Variants in NRG1 observed in about 807,000 individuals in gnomAD.
NRG1 encodes the protein neuregulin 1.
Under a neutral mutation model 63.8 loss-of-function variants are expected in NRG1, and 18 were observed. That is an observed-to-expected ratio of 0.28 (90% CI 0.19 to 0.42). The LOEUF is 0.42. NRG1 is among the 10% of genes least tolerant of loss of function. The pLI, the probability that NRG1 is intolerant of heterozygous loss-of-function variation, is 1.00. For missense variants in NRG1, 762 were observed against 814.7 expected (o/e 0.94, Z 0.79); for synonymous variants, 302 against 301.3 (o/e 1.00, Z -0.02).
In NRG1 at chr8:31,814,939, T is replaced by C. The variant is rs1039781404; in HGVS notation, c.37+175508T>C. Among the ~76,000 whole-genome samples, 15 of 152,212 alleles carry C rather than the reference T, an allele frequency of 9.9e-5. 1 individual carries two copies. Among genetic ancestry groups the C allele is most frequent in the Admixed American group, 7.9e-4 (12 of 15,284 alleles). On this transcript the variant is annotated intron_variant, in intron 1 of 10. Transcript: ENST00000519301. The stretch of plus-strand genomic sequence containing the variant: ...ACCCAAATAAAAATGGTAATTTTTC[T>C]TTCCTTTTCTCCTGGATTCTTATTC...
intron 1 of NRG1, among the ~76,000 whole-genome samples, chr8:32,538,032 A>G (rs920520395): frequency 2.6e-5 from 4 of 152,044 alleles, no homozygotes; most frequent in Non-Finnish European, 5.9e-5. Context: ...TTGTATTTTT[A>G]GTAGAGACAG....
intron 1 of NRG1, among the ~76,000 whole-genome samples, chr8:32,332,745 G>A (rs527497207): frequency 1.1e-4 from 17 of 152,220 alleles, no homozygotes; most frequent in Middle Eastern, 3.4e-3. Flanking sequence ...AGGGAGTCTG[G>A]CTCCACAACA....
intron 8 of NRG1, 28 bp downstream of exon 8, chr8:32,754,502 C>G (rs1191894042): frequency 6.2e-7 from 1 of 1,603,142 alleles, no homozygotes; most frequent in Admixed American, 1.7e-5. Flanking sequence ...ATGCCTTTCT[C>G]TCTCCTTCAT....
At chr8:32,497,642 A>C (rs1452002554) in intron 1 of NRG1, among the ~76,000 whole-genome samples, 1 of 152,138 alleles carries the variant, frequency 6.6e-6, no homozygotes, top group Non-Finnish European at 1.5e-5. Flanking sequence ...GGTCCACATC[A>C]AAGCTGCCAC....
At chr8:32,298,203 C>T (rs1855118853) in intron 1 of NRG1, among the ~76,000 whole-genome samples, 1 of 152,208 alleles carries the variant, frequency 6.6e-6, no homozygotes, top group African/African-American at 2.4e-5. Context: ...GAGCTATTCT[C>T]TAAAATTACT....
intron 1 of NRG1, among the ~76,000 whole-genome samples, chr8:32,167,221 A>T (rs980317681): frequency 3.9e-5 from 6 of 152,220 alleles, no homozygotes; most frequent in African/African-American, 1.4e-4. Context: ...GCATATTAAA[A>T]TGGCAGCCCC....
intron 1 of NRG1, among the ~76,000 whole-genome samples, chr8:32,377,512 G>A (rs1370899526): frequency 1.3e-5 from 2 of 152,038 alleles, no homozygotes; most frequent in Non-Finnish European, 2.9e-5. Context: ...AATAAACCTT[G>A]GATTTTCAAC....
At chr8:32,159,733 G>A (rs974175661) in intron 1 of NRG1, among the ~76,000 whole-genome samples, 1 of 151,992 alleles carries the variant, frequency 6.6e-6, no homozygotes, top group Non-Finnish European at 1.5e-5. Flanking sequence ...TTATTATAAT[G>A]GGAAGGAGGT....
At chr8:32,772,214 T>C (rs74815861), downstream of NRG1, among the ~76,000 whole-genome samples, 1,217 of 151,722 alleles carry the variant, frequency 8.0e-3, 12 homozygotes, top group African/African-American at 0.027. Flanking sequence ...CTCTTCACTC[T>C]TTACTCCATG....
At chr8:32,153,099 C>T (rs1489360457) in intron 1 of NRG1, among the ~76,000 whole-genome samples, 4 of 152,046 alleles carry the variant, frequency 2.6e-5, no homozygotes, top group Admixed American at 6.6e-5. Flanking sequence ...ATTAGCAATT[C>T]AGCAGAATCT....
At chr8:32,213,136 C>A (rs1184155461) in intron 1 of NRG1, among the ~76,000 whole-genome samples, 1 of 152,130 alleles carries the variant, frequency 6.6e-6, no homozygotes, top group African/African-American at 2.4e-5. Context: ...AAATCTGAAT[C>A]ATTCTATTAC....
chr8:32,232,662 A>G (rs1847083493), intron 1 of NRG1, among the ~76,000 whole-genome samples: 1 of 152,146 alleles, frequency 6.6e-6, no homozygotes, highest in Admixed American at 6.5e-5. Flanking sequence ...CCTGGTCATG[A>G]AATTTCCTTA....
intron 1 of NRG1, among the ~76,000 whole-genome samples, chr8:31,816,522 C>T (rs1013589203): frequency 2.6e-5 from 4 of 152,184 alleles, no homozygotes; most frequent in Non-Finnish European, 1.5e-5. Flanking sequence ...ATTAATGCCT[C>T]GTGACCAAGA....
intron 1 of NRG1, among the ~76,000 whole-genome samples, chr8:31,848,726 C>A (rs1826926122): frequency 6.6e-6 from 1 of 152,178 alleles, no homozygotes; most frequent in Non-Finnish European, 1.5e-5. Flanking sequence ...CTAGGTTGCA[C>A]ATTCCTTATG....
intron 1 of NRG1, among the ~76,000 whole-genome samples, chr8:32,589,385 G>C (rs1020532953): frequency 1.3e-5 from 2 of 152,306 alleles, no homozygotes; most frequent in Middle Eastern, 3.4e-3. Flanking sequence ...AATGGTATTC[G>C]TGTGGCTTTC....
In NRG1 at chr8:31,834,330, C is replaced by CACACACACACACACAT. The variant is rs34893626; in HGVS notation, c.37+194899_37+194900insACACACACACACACAT. ...GCGCACACACACACACACACACACACGCACACCAATTTGTTTAAAATAAAA... is the reference window on the plus strand; with the variant it reads ...GCGCACACACACACACACACACACACACACACACACACACATGCACACCAATTTGTTTAAAATAAAA... On this transcript the variant is annotated intron_variant, in intron 1 of 10. Transcript: ENST00000519301. 5.7e-4 allele frequency among the ~76,000 whole-genome samples: 87 copies of CACACACACACACACAT among 151,484 alleles called. 1 individual carries two copies. Among genetic ancestry groups the CACACACACACACACAT allele is most frequent in the South Asian group, 2.5e-3 (12 of 4,730 alleles).
At chr8:32,023,841 A>C (rs141399104) in intron 1 of NRG1, among the ~76,000 whole-genome samples, 2 of 152,176 alleles carry the variant, frequency 1.3e-5, no homozygotes, top group Non-Finnish European at 2.9e-5. Flanking sequence ...ATTTGCAGTA[A>C]CTCTCCCTAA....
chr8:32,669,313 G>A (rs1805027665), intron 5 of NRG1, among the ~76,000 whole-genome samples: 1 of 152,334 alleles, frequency 6.6e-6, no homozygotes, highest in African/African-American at 2.4e-5. Context: ...TGTATCAGGT[G>A]TGTTCAATCT....
chr8:31,926,357 G>A (rs1164806725), intron 1 of NRG1, among the ~76,000 whole-genome samples: 1 of 151,922 alleles, frequency 6.6e-6, no homozygotes, highest in African/African-American at 2.4e-5. Context: ...TTGTGAATAA[G>A]CAGTTGCCTC....
Sources: allele counts gnomAD v4.1 joint callset (sites outside exome capture counted in the v4.1 genomes callset), GRCh38; gene constraint gnomAD v4.1.1; transcripts MANE v1.5; gene names NCBI Gene and HGNC (gene_info 2026-07-23, HGNC 2026-07-21).